The following DCAF6 variants were observed in gnomAD, a reference collection of about 807,000 sequenced individuals.
DCAF6 encodes DDB1- and CUL4-associated factor 6.
A neutral mutation model predicts 125.1 loss-of-function variants in DCAF6; 54 were observed. The ratio of observed to expected loss-of-function variants is 0.43; its 90% CI spans 0.35 to 0.54. The LOEUF (loss-of-function observed/expected upper bound fraction) is 0.54. Ranked by LOEUF, DCAF6 falls within the 20% of genes least tolerant of loss-of-function variation. The pLI is 0.01. For synonymous variants in DCAF6, 371 were observed against 390.4 expected, an observed-to-expected ratio of 0.95 and a Z score of 0.58; for missense variants, 934 against 1,161.7, an observed-to-expected ratio of 0.80 and a Z score of 2.85.
intron 20 of DCAF6, among the ~76,000 whole-genome samples, chr1:168,066,818 C>T (rs960431897): frequency 1.3e-5 from 2 of 152,042 alleles, no homozygotes; most frequent in African/African-American, 4.8e-5. Context: ...TCTCCAAAAG[C>T]CTAGCAATTT....
intron 11 of DCAF6, chr1:168,019,437 T>G: frequency 3.0e-6 from 1 of 327,964 alleles, no homozygotes. Context: ...GCATTCAGGG[T>G]TTTGAATGAG....
At chr1:167,928,041 TTTC>T in the DCAF6 span, among the ~76,000 whole-genome samples, 1 of 152,064 alleles carries the variant, frequency 6.6e-6, no homozygotes, top group Non-Finnish European at 1.5e-5. Context: ...CAAACAGTGT[TTTC>T]TTAACTGTTA....
chr1:167,921,229 CA>C, the DCAF6 span, among the ~76,000 whole-genome samples: 1 of 150,644 alleles, frequency 6.6e-6, no homozygotes, highest in Non-Finnish European at 1.5e-5. Context: ...TTGGTTAGAT[CA>C]TTTTTTTTTT....
intron 18 of DCAF6, among the ~76,000 whole-genome samples, chr1:168,064,370 C>T (rs1692064196): frequency 6.6e-6 from 1 of 152,166 alleles, no homozygotes; most frequent in Non-Finnish European, 1.5e-5. Context: ...GTAACTGTTA[C>T]TCTGATCCCT....
chr1:167,900,510 T>C, the DCAF6 span, among the ~76,000 whole-genome samples: 1 of 152,274 alleles, frequency 6.6e-6, no homozygotes, highest in Admixed American at 6.5e-5. Context: ...TTTGATTTTT[T>C]TTTCAACAAA....
chr1:168,037,400 T>C (rs764028349), intron 12 of DCAF6, among the ~76,000 whole-genome samples: 9 of 152,186 alleles, frequency 5.9e-5, no homozygotes, highest in African/African-American at 1.2e-4. Flanking sequence ...GAAAAAGATA[T>C]CTCACAGAAG....
chr1:167,928,930 C>T, the DCAF6 span, among the ~76,000 whole-genome samples: 1 of 152,226 alleles, frequency 6.6e-6, no homozygotes, highest in Non-Finnish European at 1.5e-5. Flanking sequence ...AAATTGTCCA[C>T]ATCAAACATA....
rs74122608 is a variant in DCAF6, at chr1:168,062,831, A to G, written c.2301-790A>G. ...TTCTTAAGAGAGTAAAATCTGCTTCATTAGTTCTAAATTCGTAATATGGAG... is the reference window on the plus strand; with the variant it reads ...TTCTTAAGAGAGTAAAATCTGCTTCGTTAGTTCTAAATTCGTAATATGGAG... On this transcript the variant is annotated intron_variant, in intron 17 of 21. Transcript: ENST00000367840. Among the ~76,000 whole-genome samples, 714 of 151,942 alleles carry G rather than the reference A, an allele frequency of 4.7e-3. 4 individuals are homozygous for G. The highest frequency in any genetic ancestry group is 0.016 in the African/African-American group (667 of 41,476).
the DCAF6 span, among the ~76,000 whole-genome samples, chr1:167,873,769 C>T: frequency 3.3e-5 from 5 of 152,054 alleles, no homozygotes; most frequent in African/African-American, 1.2e-4. Context: ...AGAAAAATAT[C>T]TCCATGATTT....
At chr1:168,065,212 A>G (rs1422597829) in intron 18 of DCAF6, among the ~76,000 whole-genome samples, 3 of 152,182 alleles carry the variant, frequency 2.0e-5, no homozygotes, top group African/African-American at 4.8e-5. Context: ...TGAACAAAGC[A>G]AAGTCCCTCT....
chr1:167,924,372 T>C, the DCAF6 span: 1 of 700,118 alleles, frequency 1.4e-6, no homozygotes, highest in Non-Finnish European at 2.3e-6. Flanking sequence ...ATATTTGCCA[T>C]GAAATCATCT....
intron 11 of DCAF6, among the ~76,000 whole-genome samples, chr1:168,021,257 A>C (rs1685637307): frequency 6.6e-6 from 1 of 152,142 alleles, no homozygotes; most frequent in South Asian, 2.1e-4. Flanking sequence ...GAGAGTTTAT[A>C]GTTTTCTTAC....
At position 168,045,091 on chromosome 1, in the gene DCAF6, T is replaced by A. The variant is rs772152608; in HGVS notation, c.2122T>A (p.Phe708Ile). The A allele has an allele frequency of 6.2e-7, 1 of 1,613,846 alleles. No individual in the cohort carries two copies. The highest frequency in any genetic ancestry group is 8.5e-7 in the Non-Finnish European group (1 of 1,179,924). Reference sequence around the variant, plus strand: ...AAATAACACCAATCCTGAGCCTCAGTTCCAAACAGAAGCCACTGGGCCTTC... The same window carrying A: ...AAATAACACCAATCCTGAGCCTCAGATCCAAACAGAAGCCACTGGGCCTTC... ...NENNTNPEPQFQTEATGPSAH... is the reference protein window; with the variant it reads ...NENNTNPEPQIQTEATGPSAH... Residue 708 changes from phenylalanine to isoleucine, a missense_variant, in exon 16 of 22, where the codon TTC becomes ATC. Physicochemically the swap from Phe to Ile is conservative, Grantham distance 21. This residue lies in a region of DCAF6 where 559 missense variants were observed against 635.5 expected (regional missense o/e 0.88). Coordinates refer to ENST00000367840, the MANE Select transcript of DCAF6 (RefSeq NM_001198956.2).
intron 5 of DCAF6, among the ~76,000 whole-genome samples, chr1:167,989,524 A>G (rs1319385317): frequency 2.0e-5 from 3 of 152,238 alleles, no homozygotes; most frequent in Non-Finnish European, 4.4e-5. Context: ...AATGAATTCT[A>G]TGTAATGAGA....
the DCAF6 span, among the ~76,000 whole-genome samples, chr1:167,923,158 C>T: frequency 3.3e-5 from 5 of 152,076 alleles, no homozygotes; most frequent in African/African-American, 9.7e-5. Context: ...AAATATTAAG[C>T]AGAATTATCA....
At chr1:167,976,234 T>A (rs769822306) in intron 4 of DCAF6, among the ~76,000 whole-genome samples, 1 of 152,130 alleles carries the variant, frequency 6.6e-6, no homozygotes, top group Non-Finnish European at 1.5e-5. Flanking sequence ...TCTGGGAGGC[T>A]GAGGTGGGCG....
chr1:168,046,405 A>G (rs780485628), intron 16 of DCAF6, among the ~76,000 whole-genome samples: 2 of 152,194 alleles, frequency 1.3e-5, no homozygotes, highest in Non-Finnish European at 2.9e-5. Flanking sequence ...AAGACAGGCA[A>G]AAATCCTGAA....
At chr1:167,973,562 A>G (rs1052054059) in intron 3 of DCAF6, among the ~76,000 whole-genome samples, 1 of 152,174 alleles carries the variant, frequency 6.6e-6, no homozygotes, top group East Asian at 1.9e-4. Flanking sequence ...AAATAAGAGC[A>G]TTTTCTCTGT....
chr1:167,869,362 A>G, the DCAF6 span, among the ~76,000 whole-genome samples: 2 of 152,382 alleles, frequency 1.3e-5, no homozygotes, highest in East Asian at 1.9e-4. Context: ...ACAAGAAGGC[A>G]TAAGTGGCAA....
Sources: allele counts gnomAD v4.1 joint callset (sites outside exome capture counted in the v4.1 genomes callset), GRCh38; gene constraint gnomAD v4.1.1; regional missense constraint gnomAD v4.1.1; transcripts MANE v1.5; gene names NCBI Gene and HGNC (gene_info 2026-07-23, HGNC 2026-07-21).